Variants in MAGI2 observed in about 807,000 individuals in gnomAD.
MAGI2 encodes the protein membrane-associated guanylate kinase, WW and PDZ domain-containing protein 2.
MAGI2 carries 35 observed loss-of-function variants against 133.3 expected under a neutral mutation model. The ratio of observed to expected loss-of-function variants is 0.26; its 90% confidence interval spans 0.20 to 0.35. The LOEUF is 0.35. Ranked by LOEUF, MAGI2 falls within the 10% of genes least tolerant of loss-of-function variation. The pLI, the probability that MAGI2 is intolerant of heterozygous loss-of-function variation, is 1.00. For missense variants in MAGI2, 1,636 were observed against 1,863.4 expected (o/e 0.88, Z 2.25); for synonymous variants, 729 against 710.6 (o/e 1.03, Z -0.41).
intron 2 of MAGI2, among the ~76,000 whole-genome samples, chr7:78,705,700 G>T (rs1414907417): frequency 6.6e-6 from 1 of 151,994 alleles, no homozygotes; most frequent in Non-Finnish European, 1.5e-5. Context: ...ATATTTTCTG[G>T]GAGAACTGTG....
In MAGI2 at chr7:79,039,973, G is replaced by A. The variant is rs188971174; in HGVS notation, c.302-32767C>T. ...ATGAGCCTGGAGGACATTATGTTAAGTGAAATAAGACAGGCATGGAAACAC... is the reference window on the plus strand; with the variant it reads ...ATGAGCCTGGAGGACATTATGTTAAATGAAATAAGACAGGCATGGAAACAC... On this transcript the variant is annotated intron_variant, in intron 1 of 21. Transcript: ENST00000354212. Among the ~76,000 whole-genome samples the A allele has an allele frequency of 3.9e-3, 589 of 151,500 alleles. 4 individuals carry two copies. The highest frequency in any genetic ancestry group is 9.7e-3 in the Admixed American group (147 of 15,160).
chr7:79,012,723 A>AT (rs989807713), intron 1 of MAGI2, among the ~76,000 whole-genome samples: 4 of 152,168 alleles, frequency 2.6e-5, no homozygotes, highest in Admixed American at 2.6e-4. Context: ...TCTGGACCTC[A>AT]TTTTTTCTCA....
intron 2 of MAGI2, among the ~76,000 whole-genome samples, chr7:78,816,987 AT>A (rs1363947253): frequency 6.6e-6 from 1 of 152,210 alleles, no homozygotes; most frequent in Non-Finnish European, 1.5e-5. Flanking sequence ...AATTGAAAAT[AT>A]TCTGGAAAGG....
chr7:78,468,140 A>G (rs1277795637), intron 6 of MAGI2, among the ~76,000 whole-genome samples: 3 of 152,318 alleles, frequency 2.0e-5, no homozygotes, highest in Admixed American at 6.5e-5. Context: ...CTAAATTTGC[A>G]GAGACTAATT....
chr7:78,397,930 T>A (rs1363328514), intron 6 of MAGI2, among the ~76,000 whole-genome samples: 1 of 152,202 alleles, frequency 6.6e-6, no homozygotes, highest in South Asian at 2.1e-4. Context: ...GAAGTTATTA[T>A]ATTGACCTCT....
At chr7:79,224,779 C>T (rs1830704371) in intron 1 of MAGI2, among the ~76,000 whole-genome samples, 1 of 152,136 alleles carries the variant, frequency 6.6e-6, no homozygotes. Context: ...ATTGTGGGAA[C>T]AGAAAATCTG....
chr7:78,366,525 C>T (rs761979152), intron 7 of MAGI2, among the ~76,000 whole-genome samples: 1 of 151,938 alleles, frequency 6.6e-6, no homozygotes, highest in African/African-American at 2.4e-5. Flanking sequence ...CCAATATATA[C>T]CTTGTGAAAA....
intron 21 of MAGI2, among the ~76,000 whole-genome samples, chr7:78,047,251 G>C (rs1811528917): frequency 6.6e-6 from 1 of 152,168 alleles, no homozygotes; most frequent in Admixed American, 6.5e-5. Flanking sequence ...AATGGGGAGT[G>C]GGTGTCAGTG....
intron 1 of MAGI2, among the ~76,000 whole-genome samples, chr7:79,331,075 T>C (rs920746422): frequency 5.9e-5 from 9 of 152,306 alleles, no homozygotes; most frequent in African/African-American, 2.2e-4. Flanking sequence ...AAACTGGGAA[T>C]GGTTTGGCAG....
Position 78,992,979 on chromosome 7 carries a change from A to C in MAGI2, c.418+14111T>G, listed in dbSNP as rs74825576. Among the ~76,000 whole-genome samples the C allele has an allele frequency of 4.7e-4, 72 of 152,134 alleles. No homozygotes were observed. In the East Asian group the frequency reaches 0.013, roughly 27 times the overall value. On this transcript the variant is annotated intron_variant, in intron 2 of 21. Coordinates refer to ENST00000354212, the MANE Select transcript of MAGI2 (RefSeq NM_012301.4). The stretch of plus-strand genomic sequence containing the variant: ...TTATGTTCTGAAAGCAATTTTTGTC[A>C]ATTGCTTTTTCATGTGAGAAATATG...
intron 2 of MAGI2, among the ~76,000 whole-genome samples, chr7:78,952,881 G>A (rs1200987635): frequency 6.6e-6 from 1 of 152,176 alleles, no homozygotes; most frequent in East Asian, 1.9e-4. Context: ...CTGGGTGTGA[G>A]TAGCAAGGTC....
intron 10 of MAGI2, among the ~76,000 whole-genome samples, chr7:78,227,644 A>T (rs1789524353): frequency 6.6e-6 from 1 of 152,164 alleles, no homozygotes; most frequent in Non-Finnish European, 1.5e-5. Flanking sequence ...TATTTATTGG[A>T]TATTTCATGT....
chr7:78,641,445 A>G (rs766015589), intron 2 of MAGI2, among the ~76,000 whole-genome samples: 10 of 152,238 alleles, frequency 6.6e-5, no homozygotes, highest in Non-Finnish European at 8.8e-5. Flanking sequence ...ACAAATGAGC[A>G]CAGCTGTGTT....
chr7:78,500,832 T>G (rs1794556346), intron 5 of MAGI2, among the ~76,000 whole-genome samples: 1 of 152,190 alleles, frequency 6.6e-6, no homozygotes, highest in Non-Finnish European at 1.5e-5. Context: ...CTCACCCCTG[T>G]AATCCCAGCA....
intron 2 of MAGI2, among the ~76,000 whole-genome samples, chr7:78,695,170 A>G (rs960286768): frequency 6.6e-6 from 1 of 152,056 alleles, no homozygotes; most frequent in African/African-American, 2.4e-5. Flanking sequence ...GGTTGCAGAG[A>G]GCCGAGATCA....
intron 10 of MAGI2, among the ~76,000 whole-genome samples, chr7:78,228,225 T>C (rs927878824): frequency 1.3e-5 from 2 of 152,226 alleles, no homozygotes; most frequent in Admixed American, 1.3e-4. Flanking sequence ...GATGGTGGAC[T>C]GAATTTGGCA....
At chr7:78,408,005 G>T (rs1297543567) in intron 6 of MAGI2, among the ~76,000 whole-genome samples, 5 of 151,932 alleles carry the variant, frequency 3.3e-5, no homozygotes, top group African/African-American at 1.2e-4. Context: ...GACATAGAAG[G>T]GATAGTCTAA....
chr7:79,356,774 C>A (rs1386019690), intron 1 of MAGI2, among the ~76,000 whole-genome samples: 1 of 151,986 alleles, frequency 6.6e-6, no homozygotes, highest in Non-Finnish European at 1.5e-5. Flanking sequence ...CGTTATAACC[C>A]ACAGCATGAC....
chr7:79,241,388 C>T (rs1832398251), intron 1 of MAGI2, among the ~76,000 whole-genome samples: 1 of 152,188 alleles, frequency 6.6e-6, no homozygotes, highest in Admixed American at 6.6e-5. Flanking sequence ...CTGACACTGT[C>T]TTGCTTTTAG....
Sources: gnomAD v4.1 joint callset for allele counts (sites outside exome capture counted in the v4.1 genomes callset) on GRCh38, gnomAD v4.1.1 for gene constraint, MANE v1.5 for transcripts, NCBI Gene and HGNC (gene_info 2026-07-23, HGNC 2026-07-21) for gene names.